VOPP1: variants seen among roughly 807,000 people sequenced by gnomAD.
VOPP1 encodes WW domain binding protein VOPP1.
A neutral mutation model predicts 23.5 loss-of-function variants in VOPP1; 8 were observed. The ratio of observed to expected loss-of-function variants is 0.34; its 90% CI spans 0.20 to 0.61. The LOEUF (loss-of-function observed/expected upper bound fraction) is 0.61, where lower values mean the gene tolerates loss of function less well. VOPP1 is among the 20% of genes least tolerant of loss of function. The pLI, the probability that VOPP1 is intolerant of heterozygous loss-of-function variation, is 0.78. For synonymous variants in VOPP1, 83 were observed against 97.3 expected (o/e 0.85, Z 0.86); for missense variants, 174 against 238.1 (o/e 0.73, Z 1.77).
chr7:55,496,814 TA>T (rs1417529717), intron 3 of VOPP1, among the ~76,000 whole-genome samples: 1 of 152,216 alleles, frequency 6.6e-6, no homozygotes, highest in East Asian at 1.9e-4. Context: ...CTTAACATCA[TA>T]AAAAAGCTTG....
At chr7:55,534,739 C>T (rs1796684310) in intron 1 of VOPP1, among the ~76,000 whole-genome samples, 1 of 152,212 alleles carries the variant, frequency 6.6e-6, no homozygotes, top group Non-Finnish European at 1.5e-5. Flanking sequence ...GGGATCTCTG[C>T]CAGGTGCCCA....
chr7:55,462,750 G>A (rs965260472), intron 4 of VOPP1, among the ~76,000 whole-genome samples: 2 of 146,904 alleles, frequency 1.4e-5, no homozygotes. Flanking sequence ...CCGCCTCCCG[G>A]GTTCACGCCA....
intron 4 of VOPP1, among the ~76,000 whole-genome samples, chr7:55,460,603 G>GTACCTATA (rs1164769031): frequency 6.6e-6 from 1 of 152,142 alleles, no homozygotes; most frequent in Non-Finnish European, 1.5e-5. Flanking sequence ...TGTATATCAA[G>GTACCTATA]CATTGTTATA....
intron 1 of VOPP1, among the ~76,000 whole-genome samples, chr7:55,564,237 G>GTCTCTCTCTCTCTCTC (rs1382166112): frequency 5.7e-3 from 161 of 28,230 alleles, no homozygotes; most frequent in Admixed American, 0.027. Flanking sequence ...CTTTCTCTCT[G>GTCTCTCTCTCTCTCTC]TCTCTGTCTC....
intron 4 of VOPP1, among the ~76,000 whole-genome samples, chr7:55,488,469 C>A (rs1554400859): frequency 6.6e-6 from 1 of 152,158 alleles, no homozygotes; most frequent in Non-Finnish European, 1.5e-5. Flanking sequence ...CAGCCTCCTG[C>A]TGACTTTGCC....
chr7:55,549,844 A>G (rs182792483), intron 1 of VOPP1, among the ~76,000 whole-genome samples: 9 of 152,344 alleles, frequency 5.9e-5, no homozygotes, highest in African/African-American at 1.9e-4. Flanking sequence ...AATCTCACAT[A>G]TTAAAATGCC....
intron 1 of VOPP1, among the ~76,000 whole-genome samples, chr7:55,548,668 A>C (rs1797468466): frequency 6.6e-6 from 1 of 152,216 alleles, no homozygotes; most frequent in African/African-American, 2.4e-5. Context: ...TCTTTCATGC[A>C]CACTTTCTAA....
intron 2 of VOPP1, among the ~76,000 whole-genome samples, chr7:55,499,364 A>C (rs904881635): frequency 4.6e-5 from 7 of 152,204 alleles, no homozygotes; most frequent in Admixed American, 2.0e-4. Context: ...AGGTAGAAGA[A>C]CTGCTTGAAC....
intron 1 of VOPP1, among the ~76,000 whole-genome samples, chr7:55,523,093 G>C (rs980158328): frequency 5.3e-5 from 8 of 152,130 alleles, no homozygotes; most frequent in African/African-American, 1.9e-4. Flanking sequence ...AAAACAGAGA[G>C]CCCCCAGCAC....
chr7:55,529,552 A>G (rs1475593239), intron 1 of VOPP1, among the ~76,000 whole-genome samples: 2 of 152,212 alleles, frequency 1.3e-5, no homozygotes. Flanking sequence ...TACTTGAAGG[A>G]TCAGGTGATC....
At chr7:55,488,198 T>C (rs1340334700) in intron 4 of VOPP1, among the ~76,000 whole-genome samples, 2 of 152,232 alleles carry the variant, frequency 1.3e-5, no homozygotes, top group Non-Finnish European at 2.9e-5. Context: ...TTACACAGAA[T>C]GAGGAGTGCT....
chr7:55,563,893 T>C (rs1327028909), intron 1 of VOPP1, among the ~76,000 whole-genome samples: 1 of 152,118 alleles, frequency 6.6e-6, no homozygotes, highest in South Asian at 2.1e-4. Context: ...TAAAAGAGTA[T>C]AAGAGCCAAA....
intron 1 of VOPP1, among the ~76,000 whole-genome samples, chr7:55,528,966 A>T (rs1796340878): frequency 6.6e-6 from 1 of 152,242 alleles, no homozygotes; most frequent in African/African-American, 2.4e-5. Flanking sequence ...ATGTAACAGC[A>T]TAAGCCTAAA....
chr7:55,489,101 T>C (rs1033963484), intron 4 of VOPP1, among the ~76,000 whole-genome samples: 1 of 152,208 alleles, frequency 6.6e-6, no homozygotes, highest in African/African-American at 2.4e-5. Flanking sequence ...CAGACCCCAT[T>C]CTTTTGTTCA....
chr7:55,455,018 GTC>G (rs1370424478), intron 4 of VOPP1, among the ~76,000 whole-genome samples: 3 of 152,164 alleles, frequency 2.0e-5, no homozygotes, highest in African/African-American at 7.2e-5. Context: ...AAGTCAAATT[GTC>G]TCTGTTTGCA....
At chr7:55,521,735 AG>A (rs201300428) in intron 1 of VOPP1, 13,760 of 985,798 alleles carry the variant, frequency 0.014, 101 homozygotes, top group Middle Eastern at 0.024. Context: ...CCCACAGGGC[AG>A]GGCAGGGCAG....
intron 2 of VOPP1, among the ~76,000 whole-genome samples, chr7:55,501,266 C>T (rs144126044): frequency 6.6e-6 from 1 of 152,362 alleles, no homozygotes; most frequent in East Asian, 1.9e-4. Context: ...AGGACGGCGT[C>T]GATTTGTAGT....
intron 2 of VOPP1, chr7:55,515,932 C>T (rs983718297): frequency 2.0e-6 from 2 of 982,716 alleles, no homozygotes; most frequent in African/African-American, 3.5e-5. Context: ...CGGTCAGTTC[C>T]TACCTTTATC....
chr7:55,445,275 AC>A (rs1219426880), intron 4 of VOPP1, among the ~76,000 whole-genome samples: 2 of 69,554 alleles, frequency 2.9e-5, no homozygotes. Flanking sequence ...ACATACACAC[AC>A]AGACACACAC....
Sources: gnomAD v4.1 joint callset for allele counts (sites outside exome capture counted in the v4.1 genomes callset) on GRCh38, gnomAD v4.1.1 for gene constraint, MANE v1.5 for transcripts, NCBI Gene and HGNC (gene_info 2026-07-23, HGNC 2026-07-21) for gene names.